Variants in SH2D4B observed in about 807,000 individuals in gnomAD.
SH2D4B encodes the protein SH2 domain-containing protein 4B.
A neutral mutation model predicts 61.5 loss-of-function variants in SH2D4B; 45 were observed. That is an observed-to-expected ratio of 0.73 (90% confidence interval 0.58 to 0.94). The LOEUF is 0.94. SH2D4B is among the 40% of genes least tolerant of loss of function. SH2D4B has a pLI of 0.00. For missense variants in SH2D4B, 572 were observed against 574.2 expected (o/e 1.00, Z 0.04); for synonymous variants, 224 against 220.4 (o/e 1.02, Z -0.14).
rs1208255715 is a variant in SH2D4B at position 80,554,481 on chromosome 10, T to C, written c.185-15673T>C. Among the ~76,000 whole-genome samples, 4 of 152,150 alleles carry C rather than the reference T, an allele frequency of 2.6e-5. No homozygotes were observed. In the East Asian group the frequency reaches 7.7e-4, roughly 29 times the overall value. On this transcript the variant is annotated intron_variant, in intron 1 of 7. Coordinates refer to ENST00000646907, the MANE Select transcript of SH2D4B (RefSeq NM_001388272.1). ...GTGCTTACATAATTATTTTAGTTTG[T>C]TTTAAGGAATTGGTTCATGTGATTG... is the stretch of plus-strand genomic sequence containing the variant.
intron 3 of SH2D4B, among the ~76,000 whole-genome samples, chr10:80,587,486 T>A (rs1418573355): frequency 6.6e-6 from 1 of 152,118 alleles, no homozygotes; most frequent in African/African-American, 2.4e-5. Flanking sequence ...TCCATGTTGG[T>A]CAAACTGGTC....
intron 1 of SH2D4B, among the ~76,000 whole-genome samples, chr10:80,550,593 C>G (rs1209316972): frequency 1.3e-5 from 2 of 148,350 alleles, no homozygotes; most frequent in African/African-American, 5.0e-5. Context: ...GATTCCGTCT[C>G]AAAAAAAAAG....
intron 1 of SH2D4B, among the ~76,000 whole-genome samples, chr10:80,561,478 T>A (rs1841901698): frequency 6.6e-6 from 1 of 152,230 alleles, no homozygotes; most frequent in African/African-American, 2.4e-5. Flanking sequence ...TGAGTAATGT[T>A]GCAAAATTAT....
intron 1 of SH2D4B, among the ~76,000 whole-genome samples, chr10:80,557,513 A>G (rs557421426): frequency 4.9e-4 from 75 of 152,282 alleles, no homozygotes; most frequent in African/African-American, 1.8e-3. Flanking sequence ...GGCAGATTTT[A>G]ACATATAAAT....
intron 5 of SH2D4B, among the ~76,000 whole-genome samples, chr10:80,604,344 C>T (rs1042354233): frequency 3.3e-5 from 5 of 152,242 alleles, no homozygotes; most frequent in East Asian, 1.9e-4. Context: ...GGTGACTGTC[C>T]GAAATTGCCA....
chr10:80,642,265 A>G (rs989092047), intron 7 of SH2D4B, among the ~76,000 whole-genome samples: 1 of 152,206 alleles, frequency 6.6e-6, no homozygotes, highest in Non-Finnish European at 1.5e-5. Flanking sequence ...CCCAAGTTGC[A>G]TATTTCCTTA....
intron 6 of SH2D4B, among the ~76,000 whole-genome samples, chr10:80,625,823 C>T (rs1456219250): frequency 6.6e-6 from 1 of 152,162 alleles, no homozygotes; most frequent in Non-Finnish European, 1.5e-5. Context: ...ATCTGCCCAC[C>T]TCAGCCTCCC....
intron 3 of SH2D4B, among the ~76,000 whole-genome samples, 200 bp downstream of exon 3, chr10:80,571,778 T>C (rs933282871): frequency 1.4e-5 from 2 of 142,154 alleles, no homozygotes; most frequent in African/African-American, 2.8e-5. Flanking sequence ...TTTTTTTTCT[T>C]TTTTTTTTTT....
chr10:80,619,837 C>G (rs1327480719), intron 6 of SH2D4B, among the ~76,000 whole-genome samples: 1 of 152,226 alleles, frequency 6.6e-6, no homozygotes, highest in Non-Finnish European at 1.5e-5. Flanking sequence ...ATCTCTTTGT[C>G]CTTGGGGATG....
chr10:80,600,520 C>CGTGT (rs769408150), intron 4 of SH2D4B, among the ~76,000 whole-genome samples: 71 of 133,714 alleles, frequency 5.3e-4, no homozygotes, highest in African/African-American at 2.0e-3. Context: ...TGCAGAGTGG[C>CGTGT]ATGTGTGTGT....
rs578107233 is a variant in SH2D4B at position 80,617,091 on chromosome 10, G to A, written c.988+7540G>A. 3.5e-4 allele frequency among the ~76,000 whole-genome samples: 53 copies of A among 152,378 alleles called. 1 individual carries two copies. The South Asian group carries it at 0.01, about 29-fold the overall frequency. ...TTCAAACCCAGGTGATCTGGGTTCA[G>A]AATCCATGCTCTTACCTGTGATGCA... On this transcript the variant is annotated intron_variant, in intron 6 of 7. Transcript: ENST00000646907.
Position 80,576,992 on chromosome 10 carries a change from C to G in SH2D4B, c.495+5414C>G, listed in dbSNP as rs961755402. 1.3e-5 allele frequency among the ~76,000 whole-genome samples: 2 copies of G among 152,218 alleles called. 1 individual carries two copies. ...ATGTTAGCCAAGTTGGTCTCGAACT[C>G]CTGACCTCAAGTGATCTGCCTGCCT... On this transcript the variant is annotated intron_variant, in intron 3 of 7. Coordinates refer to ENST00000646907, the MANE Select transcript of SH2D4B (RefSeq NM_001388272.1).
At position 80,573,071 on chromosome 10, in the gene SH2D4B, G is replaced by A. The variant is rs183219908; in HGVS notation, c.495+1493G>A. On this transcript the variant is annotated intron_variant, in intron 3 of 7. Coordinates refer to ENST00000646907, the MANE Select transcript of SH2D4B (RefSeq NM_001388272.1). ...GCGATCTCGGCTCACTGCAAGCTCCGCCTCCCGGGTTCATGCCATTCCCTT... is the reference window on the plus strand; with the variant it reads ...GCGATCTCGGCTCACTGCAAGCTCCACCTCCCGGGTTCATGCCATTCCCTT... Among the ~76,000 whole-genome samples, 380 of 120,318 alleles carry A rather than the reference G, an allele frequency of 3.2e-3. 2 individuals are homozygous for A. Among genetic ancestry groups the A allele is most frequent in the African/African-American group, 0.012 (364 of 31,290 alleles). The allele number at this position is 120,318 out of a possible 152,430, so 78.9% of individuals were successfully genotyped here.
intron 1 of SH2D4B, among the ~76,000 whole-genome samples, chr10:80,553,105 A>T (rs1415957267): frequency 6.6e-6 from 1 of 152,130 alleles, no homozygotes; most frequent in South Asian, 2.1e-4. Flanking sequence ...TTTAGTAGAG[A>T]TGGGGTTTCA....
chr10:80,579,994 C>T (rs1842170483), intron 3 of SH2D4B, among the ~76,000 whole-genome samples: 1 of 152,216 alleles, frequency 6.6e-6, no homozygotes, highest in African/African-American at 2.4e-5. Flanking sequence ...TTATGGAGCA[C>T]CTGATATCTG....
intron 1 of SH2D4B, among the ~76,000 whole-genome samples, chr10:80,556,555 A>G (rs921706123): frequency 5.3e-5 from 8 of 152,208 alleles, no homozygotes; most frequent in African/African-American, 1.9e-4. Flanking sequence ...TCCATGAAAA[A>G]GGTGTATTGC....
intron 3 of SH2D4B, among the ~76,000 whole-genome samples, chr10:80,586,337 T>G (rs1341370781): frequency 1.3e-5 from 2 of 152,236 alleles, no homozygotes; most frequent in African/African-American, 4.8e-5. Context: ...GCTGGGCTTC[T>G]GACTCTGGTG....
rs1841548367 is a variant in SH2D4B, at chr10:80,539,360, A to C, written c.184+845A>C. Reference sequence around the variant, plus strand: ...TGTGCCTTCACCCTTTGAAGTTTTCAATCCAGAACAAAGTCCTGTTTCAGG... The same window carrying C: ...TGTGCCTTCACCCTTTGAAGTTTTCCATCCAGAACAAAGTCCTGTTTCAGG... On this transcript the variant is annotated intron_variant, in intron 1 of 7. Coordinates refer to ENST00000646907, the MANE Select transcript of SH2D4B (RefSeq NM_001388272.1). The surrounding 1 kb of genome is among the most constrained non-coding windows in gnomAD (Gnocchi z 4.9). Among the ~76,000 whole-genome samples, 1 of 152,224 alleles carries C rather than the reference A, an allele frequency of 6.6e-6. No individual in the cohort carries two copies. Among genetic ancestry groups the C allele is most frequent in the South Asian group, 2.1e-4 (1 of 4,832 alleles).
chr10:80,634,393 T>G lies in SH2D4B; in HGVS notation c.1097T>G (p.Leu366Arg). 1 of 1,550,618 alleles carries G rather than the reference T, an allele frequency of 6.4e-7. No homozygotes were observed. The highest frequency in any genetic ancestry group is 8.7e-7 in the Non-Finnish European group (1 of 1,146,982). ...TGGGGTTACACCCTCTCCTACCGCC[T>G]GCAGAAAGGGTTCAAACACTTTCTT... The part of the protein sequence containing the change: ...KIWGYTLSYR[L>R]QKGFKHFLVD... Residue 366 changes from leucine to arginine, a missense_variant, in exon 7 of 8, where the codon CTG becomes CGG. Coordinates refer to ENST00000646907, the MANE Select transcript of SH2D4B (RefSeq NM_001388272.1).
Sources: allele counts gnomAD v4.1 joint callset (sites outside exome capture counted in the v4.1 genomes callset), GRCh38; gene constraint gnomAD v4.1.1; non-coding constraint Gnocchi (gnomAD v3.1); transcripts MANE v1.5; gene names NCBI Gene and HGNC (gene_info 2026-07-23, HGNC 2026-07-21).